The following CNTN5 variants were observed in gnomAD, a reference collection of about 807,000 sequenced individuals.
CNTN5 encodes the protein contactin-5.
A neutral mutation model predicts 129.1 loss-of-function variants in CNTN5; 77 were observed. The ratio of observed to expected loss-of-function variants is 0.60; its 90% CI spans 0.50 to 0.72. The LOEUF is 0.72. Ranked by LOEUF, CNTN5 falls within the 30% of genes least tolerant of loss-of-function variation. The pLI is 0.00. For missense variants in CNTN5, 1,478 were observed against 1,328.8 expected (o/e 1.11, Z -1.75); for synonymous variants, 509 against 465.6 (o/e 1.09, Z -1.20).
intron 13 of CNTN5, among the ~76,000 whole-genome samples, chr11:100,151,034 A>C (rs892832392): frequency 6.6e-6 from 1 of 152,108 alleles, no homozygotes; most frequent in African/African-American, 2.4e-5. Context: ...ACCAGGAGCC[A>C]CATTTTCTGG....
intron 17 of CNTN5, among the ~76,000 whole-genome samples, chr11:100,262,931 A>C (rs1281445751): frequency 1.3e-5 from 2 of 152,182 alleles, no homozygotes; most frequent in Admixed American, 1.3e-4. Flanking sequence ...CAGAACTTAA[A>C]GTATAATAAA....
intron 21 of CNTN5, among the ~76,000 whole-genome samples, chr11:100,311,762 A>G (rs1352930613): frequency 6.6e-6 from 1 of 152,038 alleles, no homozygotes; most frequent in Non-Finnish European, 1.5e-5. Flanking sequence ...TGGATTCAGC[A>G]ATGTGGAGAC....
rs530747777 is a variant in CNTN5, at chr11:99,966,885, T to A, written c.877+9876T>A. On this transcript the variant is annotated intron_variant, in intron 8 of 24. Transcript: ENST00000524871. ...GCATTTGGTGACATATATATGAATA[T>A]GTATCTGTGGTAGGGAGGGGCTTTA... Among the ~76,000 whole-genome samples, 272 of 152,266 alleles carry A rather than the reference T, an allele frequency of 1.8e-3. 2 individuals are homozygous for A. Among genetic ancestry groups the A allele is most frequent in the Non-Finnish European group, 2.0e-3 (136 of 68,010 alleles).
chr11:99,613,340 C>A (rs1292998711), intron 3 of CNTN5, among the ~76,000 whole-genome samples: 1 of 152,176 alleles, frequency 6.6e-6, no homozygotes, highest in Non-Finnish European at 1.5e-5. Flanking sequence ...GGCCTGTCTT[C>A]TTCCTGCAGT....
intron 9 of CNTN5, among the ~76,000 whole-genome samples, chr11:100,012,492 C>T (rs1229449108): frequency 2.0e-5 from 3 of 152,076 alleles, no homozygotes; most frequent in Non-Finnish European, 2.9e-5. Flanking sequence ...TATGTGTTTT[C>T]AGGGAAACAG....
rs1952532616 is a variant in CNTN5 at position 100,356,726 on chromosome 11, T to G, written c.*506T>G. The G allele has an allele frequency of 6.4e-6, 1 of 157,224 alleles. No homozygotes were observed. 9.7% of individuals were successfully genotyped at this position (157,224 alleles called of 1,614,324 possible). On this transcript the variant is annotated 3_prime_UTR_variant, in exon 25 of 25. Transcript: ENST00000524871. ...ACATATGAAAAATGCTTCAGTGATGTGGTCCATTATAAGATAAGTACACAA... is the reference window on the plus strand; with the variant it reads ...ACATATGAAAAATGCTTCAGTGATGGGGTCCATTATAAGATAAGTACACAA...
chr11:99,805,399 C>A (rs948794569), intron 3 of CNTN5, among the ~76,000 whole-genome samples: 3 of 151,992 alleles, frequency 2.0e-5, no homozygotes, highest in Non-Finnish European at 4.4e-5. Flanking sequence ...TACAGAAAAC[C>A]GAAACAATCA....
chr11:100,253,780 T>A (rs893319268), intron 16 of CNTN5, among the ~76,000 whole-genome samples: 3 of 152,164 alleles, frequency 2.0e-5, no homozygotes, highest in African/African-American at 7.2e-5. Flanking sequence ...AGACATATTT[T>A]TTCATAAATC....
At chr11:100,236,491 G>T (rs973573149) in intron 16 of CNTN5, among the ~76,000 whole-genome samples, 4 of 152,150 alleles carry the variant, frequency 2.6e-5, no homozygotes, top group Non-Finnish European at 1.5e-5. Flanking sequence ...ATAAAAGGGG[G>T]TTCTTTTCCT....
chr11:99,987,402 T>TTA (rs770626309), intron 8 of CNTN5, among the ~76,000 whole-genome samples: 4 of 151,866 alleles, frequency 2.6e-5, no homozygotes, highest in African/African-American at 7.2e-5. Flanking sequence ...CTATTTCTCT[T>TTA]TATATATATA....
intron 21 of CNTN5, among the ~76,000 whole-genome samples, chr11:100,327,193 T>C (rs917019766): frequency 2.0e-5 from 3 of 152,270 alleles, no homozygotes; most frequent in African/African-American, 7.2e-5. Flanking sequence ...AGCCTCATCC[T>C]GCTTAAAAGC....
intron 1 of CNTN5, among the ~76,000 whole-genome samples, chr11:99,285,876 A>G (rs1863916123): frequency 6.6e-6 from 1 of 151,928 alleles, no homozygotes; most frequent in South Asian, 2.1e-4. Context: ...CGTTTCTACT[A>G]AAAATACAAA....
chr11:99,817,731 C>A (rs758076424), intron 3 of CNTN5, among the ~76,000 whole-genome samples: 3 of 150,868 alleles, frequency 2.0e-5, no homozygotes, highest in African/African-American at 7.3e-5. Context: ...AAAACTCATT[C>A]ACTTTTCATT....
chr11:99,460,598 G>A (rs1944659716), intron 2 of CNTN5, among the ~76,000 whole-genome samples: 1 of 151,760 alleles, frequency 6.6e-6, no homozygotes, highest in Non-Finnish European at 1.5e-5. Context: ...AGAATTAGAA[G>A]GTAAAGTAAA....
At chr11:100,035,212 C>G (rs922037869) in intron 9 of CNTN5, among the ~76,000 whole-genome samples, 1 of 49,080 alleles carries the variant, frequency 2.0e-5, no homozygotes, top group Non-Finnish European at 3.2e-5. Flanking sequence ...TGAGTGAGAA[C>G]ATGTGTGTTT....
intron 3 of CNTN5, among the ~76,000 whole-genome samples, chr11:99,796,186 C>T (rs893785107): frequency 3.9e-5 from 6 of 152,048 alleles, no homozygotes; most frequent in African/African-American, 4.8e-5. Flanking sequence ...TTTGTGTGCA[C>T]GTTCACTTCA....
chr11:99,537,267 A>T (rs865779683), intron 2 of CNTN5, among the ~76,000 whole-genome samples: 2 of 152,276 alleles, frequency 1.3e-5, no homozygotes, highest in South Asian at 4.1e-4. Context: ...ATTCATACAG[A>T]ATTTTTTGAA....
At chr11:99,212,026 T>A (rs968747829) in intron 1 of CNTN5, among the ~76,000 whole-genome samples, 7 of 152,220 alleles carry the variant, frequency 4.6e-5, no homozygotes, top group African/African-American at 7.2e-5. Context: ...TTCCGGCCAG[T>A]GCAGTTTATT....
At chr11:99,223,132 C>T (rs1252299931) in intron 1 of CNTN5, among the ~76,000 whole-genome samples, 1 of 152,110 alleles carries the variant, frequency 6.6e-6, no homozygotes, top group East Asian at 1.9e-4. Context: ...TTGTCGATAG[C>T]AAAGCCCTCT....
Sources: allele counts gnomAD v4.1 joint callset (sites outside exome capture counted in the v4.1 genomes callset), GRCh38; gene constraint gnomAD v4.1.1; transcripts MANE v1.5; gene names NCBI Gene and HGNC (gene_info 2026-07-23, HGNC 2026-07-21).